The following DYRK4 variants were observed in gnomAD, a reference collection of about 807,000 sequenced individuals.
DYRK4 encodes the protein dual specificity tyrosine-phosphorylation-regulated kinase 4.
DYRK4 carries 64 observed loss-of-function variants against 68.3 expected under a neutral mutation model. That is an observed-to-expected ratio of 0.94 (90% CI 0.77 to 1.15). The LOEUF (loss-of-function observed/expected upper bound fraction) is 1.15, where lower values mean the gene tolerates loss of function less well. Ranked by LOEUF, DYRK4 falls within the 50% of genes most tolerant of loss-of-function variation. DYRK4 has a pLI of 0.00. For missense variants in DYRK4, 740 were observed against 764.7 expected (o/e 0.97, Z 0.38); for synonymous variants, 274 against 289.9 (o/e 0.95, Z 0.56).
At chr12:4,568,386 C>CT (rs996651040) in intron 2 of DYRK4, among the ~76,000 whole-genome samples, 633 of 145,842 alleles carry the variant, frequency 4.3e-3, no homozygotes, top group Non-Finnish European at 4.7e-3. Context: ...TGCTTTTTTT[C>CT]TTTTTTTTTT....
Position 4,577,898 on chromosome 12 carries a change from A to G in DYRK4, c.132+9850A>G, listed in dbSNP as rs899866075. On this transcript the variant is annotated intron_variant, in intron 2 of 14. Transcript: ENST00000543431. ...CAGTTTCTTGGGAGTGTTAATGTAA[A>G]TGGTATTGCACTTTTAATTTCAAAT... is the stretch of plus-strand genomic sequence containing the variant. Among the ~76,000 whole-genome samples the G allele has an allele frequency of 3.9e-5, 6 of 152,308 alleles. No homozygotes were observed. The South Asian group carries it at 8.3e-4, about 21-fold the overall frequency.
chr12:4,594,709 C>CT (rs57307639), intron 6 of DYRK4, among the ~76,000 whole-genome samples: 75,465 of 146,218 alleles, frequency 0.52, 19,802 homozygotes, highest in East Asian at 0.72. Flanking sequence ...TTAGAAAAGC[C>CT]TTTTTTTTTT....
intron 12 of DYRK4, among the ~76,000 whole-genome samples, chr12:4,607,970 G>C (rs1945173431): frequency 6.6e-6 from 1 of 152,174 alleles, no homozygotes; most frequent in Non-Finnish European, 1.5e-5. Flanking sequence ...CCACAGTCCA[G>C]GCTGCCCCTC....
chr12:4,592,141 AG>A (rs1342988924), intron 5 of DYRK4, among the ~76,000 whole-genome samples: 1 of 152,156 alleles, frequency 6.6e-6, no homozygotes, highest in Non-Finnish European at 1.5e-5. Flanking sequence ...CTATGCATGA[AG>A]AGGTCATTTC....
chr12:4,607,490 G>A, intron 12 of DYRK4, 103 bp downstream of exon 12: 1 of 1,254,518 alleles, frequency 8.0e-7, no homozygotes, highest in Non-Finnish European at 1.1e-6. Flanking sequence ...CCAAAGGGCT[G>A]TGATTAAGAG....
At chr12:4,586,187 C>T (rs1944894528) in intron 2 of DYRK4, among the ~76,000 whole-genome samples, 1 of 152,188 alleles carries the variant, frequency 6.6e-6, no homozygotes, top group South Asian at 2.1e-4. Flanking sequence ...GGGCAAGACA[C>T]CTTCTCTAGA....
At chr12:4,563,571 G>A (rs1164418396) in intron 1 of DYRK4, among the ~76,000 whole-genome samples, 1 of 152,194 alleles carries the variant, frequency 6.6e-6, no homozygotes, top group Admixed American at 6.5e-5. Flanking sequence ...TTAGCAATGA[G>A]TAGAACATAA....
At position 4,591,295 on chromosome 12, in the gene DYRK4, G is replaced by A; in HGVS notation, c.460G>A (p.Ala154Thr). Residue 154 changes from alanine to threonine, a missense_variant, in exon 5 of 15, where the codon GCA becomes ACA. Ala to Thr is a moderately conservative substitution (Grantham distance 58). Around this residue, in one of 3 missense-constraint regions of DYRK4, gnomAD observed 614 missense variants for 603.7 expected, o/e 1.02. Coordinates refer to ENST00000543431, the MANE Select transcript of DYRK4 (RefSeq NM_001394779.1). This position sits in a 1 kb window ranked among gnomAD's most constrained non-coding sequence, Gnocchi z 4.1. ...GAAGCAAAAGGTGACTCTGACAGCG[G>A]CAGGTATGCCTTTGGGGCAGTAGCA... is the stretch of plus-strand genomic sequence containing the variant. ...PKKQKVTLTA[A>T]EALKLFKNQL... 1 of 1,614,000 alleles carries A rather than the reference G, an allele frequency of 6.2e-7. No individual in the cohort carries two copies. The highest frequency in any genetic ancestry group is 8.5e-7 in the Non-Finnish European group (1 of 1,179,936).
intron 2 of DYRK4, among the ~76,000 whole-genome samples, chr12:4,575,598 C>T (rs1164834503): frequency 2.0e-5 from 3 of 152,054 alleles, no homozygotes; most frequent in Admixed American, 6.6e-5. Context: ...CATGAGCCAC[C>T]GTGCCCAGCC....
intron 10 of DYRK4, chr12:4,602,551 TA>T: frequency 8.1e-7 from 1 of 1,227,500 alleles, no homozygotes. Context: ...TGGAGGGATA[TA>T]AGCCAACGGC....
intron 10 of DYRK4, among the ~76,000 whole-genome samples, chr12:4,601,632 C>A (rs1271064597): frequency 2.0e-5 from 3 of 152,096 alleles, no homozygotes; most frequent in African/African-American, 7.2e-5. Flanking sequence ...AAAGGATTTG[C>A]ACCACACTGT....
chr12:4,608,747 A>G (rs566340415), intron 12 of DYRK4, among the ~76,000 whole-genome samples: 3 of 152,248 alleles, frequency 2.0e-5, no homozygotes, highest in African/African-American at 7.2e-5. Context: ...ATTCATTCCA[A>G]TGGTTAATTC....
chr12:4,585,433 G>T (rs934816899), intron 2 of DYRK4, among the ~76,000 whole-genome samples: 2 of 152,134 alleles, frequency 1.3e-5, no homozygotes, highest in African/African-American at 4.8e-5. Context: ...TTAAACAATG[G>T]TATACTATGC....
At chr12:4,573,389 T>G (rs1165553629) in intron 2 of DYRK4, 1 of 1,288,872 alleles carries the variant, frequency 7.8e-7, no homozygotes, top group Non-Finnish European at 1.0e-6. Flanking sequence ...TGCGTGTTCA[T>G]TGGTGCTTTA....
rs200517627 is a variant in DYRK4, at chr12:4,612,538, T to G, written c.1491-5T>G. 1.9e-6 allele frequency: 3 copies of G among 1,613,204 alleles called. No homozygotes were observed. Among genetic ancestry groups the G allele is most frequent in the Non-Finnish European group, 2.5e-6 (3 of 1,179,346 alleles). On this transcript the variant is annotated splice_polypyrimidine_tract_variant and splice_region_variant and intron_variant, in intron 13 of 14. Transcript: ENST00000543431. ...TAACCCATGTGGGGCTTTGTTGGGGTGCAGATGGGAACCTTCTCTTCGCAT... is the reference window on the plus strand; with the variant it reads ...TAACCCATGTGGGGCTTTGTTGGGGGGCAGATGGGAACCTTCTCTTCGCAT...
intron 1 of DYRK4, among the ~76,000 whole-genome samples, chr12:4,565,287 AATCACAGAATT>A (rs2137314113): frequency 6.6e-6 from 1 of 152,360 alleles, no homozygotes; most frequent in South Asian, 2.1e-4. Context: ...AGTCTTTAAT[AATCACAGAATT>A]ATCCAAGGGA....
In DYRK4 at chr12:4,591,510, G is replaced by T; in HGVS notation, c.463+212G>T. 3.2e-6 allele frequency: 2 copies of T among 629,062 alleles called. No individual in the cohort carries two copies. Among genetic ancestry groups the T allele is most frequent in the South Asian group, 3.0e-5 (1 of 33,706 alleles). 39.0% of individuals were successfully genotyped at this position (629,062 alleles called of 1,614,324 possible). A position where few individuals can be genotyped will look rare whatever the true frequency, so the allele number is the denominator to read the frequency against. ...TAGGAGGCTGAATTTCCCCCAAGGAGTGGCTCTGGGCAAGGGCGGGATGTA... is the reference window on the plus strand; with the variant it reads ...TAGGAGGCTGAATTTCCCCCAAGGATTGGCTCTGGGCAAGGGCGGGATGTA... On this transcript the variant is annotated intron_variant, in intron 5 of 14. Coordinates refer to ENST00000543431, the MANE Select transcript of DYRK4 (RefSeq NM_001394779.1). This position sits in a 1 kb window ranked among gnomAD's most constrained non-coding sequence, Gnocchi z 4.1.
At position 4,612,712 on chromosome 12, in the gene DYRK4, A is replaced by T. The variant is rs766629556; in HGVS notation, c.1660A>T (p.Arg554Ter). ...DKVQGCHHSS[R>*]KDEITKETTE... Reference sequence around the variant, plus strand: ...GGTTCAAGGCTGTCATCACTCGAGCAGAAAAGGTACAGCCTGTCAAATAAC... The same window carrying T: ...GGTTCAAGGCTGTCATCACTCGAGCTGAAAAGGTACAGCCTGTCAAATAAC... The change falls in exon 14 of 15, where the codon AGA (arginine) becomes TGA (stop). Residue 554 changes from arginine (R) to a stop codon, truncating the protein, a stop_gained. Coordinates refer to ENST00000543431, the MANE Select transcript of DYRK4 (RefSeq NM_001394779.1). LOFTEE classifies it low-confidence loss of function (END_TRUNC). 1 of 1,614,184 alleles carries T rather than the reference A, an allele frequency of 6.2e-7. No individual in the cohort carries two copies. The highest frequency in any genetic ancestry group is 8.5e-7 in the Non-Finnish European group (1 of 1,180,002).
intron 4 of DYRK4, chr12:4,590,800 G>A (rs931596991): frequency 2.6e-6 from 1 of 387,878 alleles, no homozygotes; most frequent in Non-Finnish European, 4.5e-6. Context: ...ACTGAAAGAG[G>A]CGTCACACAC....
Sources: allele counts gnomAD v4.1 joint callset (sites outside exome capture counted in the v4.1 genomes callset), GRCh38; gene constraint gnomAD v4.1.1; regional missense constraint gnomAD v4.1.1; non-coding constraint Gnocchi (gnomAD v3.1); transcripts MANE v1.5; gene names NCBI Gene and HGNC (gene_info 2026-07-23, HGNC 2026-07-21).